PDE3A: variants seen among roughly 807,000 people sequenced by gnomAD.
PDE3A encodes cGMP-inhibited 3',5'-cyclic phosphodiesterase 3A.
Under a neutral mutation model 98.3 loss-of-function variants are expected in PDE3A, and 43 were observed. The observed-to-expected ratio is 0.44, with a 90% confidence interval of 0.34 to 0.56. PDE3A has a LOEUF of 0.56. Ranked by LOEUF, PDE3A falls within the 20% of genes least tolerant of loss-of-function variation. The pLI is 0.01. For synonymous variants in PDE3A, 663 were observed against 567.9 expected, an observed-to-expected ratio of 1.17 and a Z score of -2.38; for missense variants, 1,427 against 1,440.7, an observed-to-expected ratio of 0.99 and a Z score of 0.15.
chr12:20,545,496 A>G (rs1174974229), intron 1 of PDE3A, among the ~76,000 whole-genome samples: 1 of 152,024 alleles, frequency 6.6e-6, no homozygotes, highest in Non-Finnish European at 1.5e-5. Flanking sequence ...ACCAACTGTG[A>G]AAGGAAAAAT....
chr12:20,447,288 C>T (rs1380457247), intron 1 of PDE3A, among the ~76,000 whole-genome samples: 2 of 152,138 alleles, frequency 1.3e-5, no homozygotes, highest in African/African-American at 2.4e-5. Context: ...TGGTCTTCAT[C>T]CCTGTTTTCT....
intron 1 of PDE3A, among the ~76,000 whole-genome samples, chr12:20,553,199 T>C: frequency 6.8e-6 from 1 of 146,498 alleles, no homozygotes. Flanking sequence ...GGAATTTATG[T>C]ATTCTGGCTA....
chr12:20,492,703 TGG>T (rs906537242), intron 1 of PDE3A, among the ~76,000 whole-genome samples: 3 of 151,950 alleles, frequency 2.0e-5, no homozygotes, highest in African/African-American at 7.3e-5. Context: ...ACTGAGCAGG[TGG>T]GGGCAGGGCA....
intron 10 of PDE3A, among the ~76,000 whole-genome samples, chr12:20,643,085 G>T (rs1944682360): frequency 6.6e-6 from 1 of 152,040 alleles, no homozygotes; most frequent in Admixed American, 6.6e-5. Flanking sequence ...AAAGAGGTAG[G>T]GTGTACCATG....
intron 15 of PDE3A, among the ~76,000 whole-genome samples, chr12:20,660,233 A>T (rs141644666): frequency 1.3e-5 from 2 of 152,290 alleles, no homozygotes; most frequent in East Asian, 3.9e-4. Context: ...TTCCACCATG[A>T]TTATAATTTC....
At chr12:20,592,125 G>A (rs1244364136) in intron 2 of PDE3A, among the ~76,000 whole-genome samples, 1 of 152,060 alleles carries the variant, frequency 6.6e-6, no homozygotes, top group Admixed American at 6.5e-5. Flanking sequence ...GTCTTAGGTA[G>A]GTTACATTAC....
At chr12:20,409,446 A>G (rs1186658864) in intron 1 of PDE3A, among the ~76,000 whole-genome samples, 1 of 152,180 alleles carries the variant, frequency 6.6e-6, no homozygotes, top group Non-Finnish European at 1.5e-5. Flanking sequence ...AAAAGAAAAT[A>G]ATTTTTACCT....
At chr12:20,562,987 T>C (rs934852032) in intron 2 of PDE3A, among the ~76,000 whole-genome samples, 1 of 152,208 alleles carries the variant, frequency 6.6e-6, no homozygotes, top group African/African-American at 2.4e-5. Flanking sequence ...ACCCATGGCC[T>C]ATTTTGGAGC....
intron 1 of PDE3A, among the ~76,000 whole-genome samples, chr12:20,471,306 T>C (rs1565559840): frequency 6.6e-6 from 1 of 152,190 alleles, no homozygotes; most frequent in East Asian, 1.9e-4. Context: ...TTAAAATCTT[T>C]GGAGCTTTTA....
chr12:20,493,843 T>A (rs1005987255), intron 1 of PDE3A, among the ~76,000 whole-genome samples: 9 of 152,220 alleles, frequency 5.9e-5, no homozygotes, highest in Non-Finnish European at 1.3e-4. Flanking sequence ...TTGGTCAGGC[T>A]GGTCTCGAAC....
chr12:20,508,264 G>A (rs923539154), intron 1 of PDE3A, among the ~76,000 whole-genome samples: 41 of 151,674 alleles, frequency 2.7e-4, no homozygotes, highest in African/African-American at 9.2e-4. Flanking sequence ...GATCCCTCCC[G>A]CAGGACTCCC....
chr12:20,464,685 A>G (rs1282618523), intron 1 of PDE3A, among the ~76,000 whole-genome samples: 1 of 152,202 alleles, frequency 6.6e-6, no homozygotes, highest in Non-Finnish European at 1.5e-5. Flanking sequence ...AGGATTGTAC[A>G]CTATGCAAAT....
chr12:20,540,375 C>T (rs1016452595), intron 1 of PDE3A, among the ~76,000 whole-genome samples: 2 of 152,014 alleles, frequency 1.3e-5, no homozygotes, highest in African/African-American at 2.4e-5. Context: ...CAAACTCAAG[C>T]GGAGAATTCC....
chr12:20,553,064 T>C (rs1942260469), intron 1 of PDE3A: 3 of 1,085,860 alleles, frequency 2.8e-6, no homozygotes, highest in Non-Finnish European at 4.0e-6. Context: ...GGAGGGCTCG[T>C]TCATCGGCAC....
chr12:20,562,692 A>G (rs967437976), intron 2 of PDE3A, among the ~76,000 whole-genome samples: 10 of 152,158 alleles, frequency 6.6e-5, no homozygotes, highest in African/African-American at 2.4e-4. Context: ...TTATTTACCA[A>G]TAGTGAAAAA....
At chr12:20,615,451 A>AGACTT (rs1418574911) in intron 3 of PDE3A, among the ~76,000 whole-genome samples, 2 of 152,154 alleles carry the variant, frequency 1.3e-5, no homozygotes, top group African/African-American at 2.4e-5. Context: ...ATTTTATGAA[A>AGACTT]GACTTGAGCT....
At chr12:20,548,958 A>G (rs953596466) in intron 1 of PDE3A, among the ~76,000 whole-genome samples, 2 of 151,962 alleles carry the variant, frequency 1.3e-5, no homozygotes. Flanking sequence ...ATTTATTGTG[A>G]ATAACCATTT....
rs1348962752 is a variant in PDE3A, at chr12:20,585,670, A to G, written c.1012-27773A>G. On this transcript the variant is annotated intron_variant, in intron 2 of 15. Coordinates refer to ENST00000359062, the MANE Select transcript of PDE3A (RefSeq NM_000921.5). ...AATGAGATAATTTGTGAAAATGTCT[A>G]GCATGCTACTAGACAGATAGTATAT... Among the ~76,000 whole-genome samples the G allele has an allele frequency of 2.0e-5, 3 of 152,212 alleles. No homozygotes were observed. The East Asian group carries it at 5.8e-4, about 29-fold the overall frequency.
At chr12:20,415,717 G>A (rs1944411849) in intron 1 of PDE3A, among the ~76,000 whole-genome samples, 1 of 152,126 alleles carries the variant, frequency 6.6e-6, no homozygotes, top group African/African-American at 2.4e-5. Context: ...GATTACAGGC[G>A]TGAGCCACCA....
Sources: gnomAD v4.1 joint callset for allele counts (sites outside exome capture counted in the v4.1 genomes callset) on GRCh38, gnomAD v4.1.1 for gene constraint, MANE v1.5 for transcripts, NCBI Gene and HGNC (gene_info 2026-07-23, HGNC 2026-07-21) for gene names.